The following MRM1 variants were observed in gnomAD, a reference collection of about 807,000 sequenced individuals.
The protein encoded by MRM1 is rRNA methyltransferase 1, mitochondrial.
Under a neutral mutation model 25.0 loss-of-function variants are expected in MRM1, and 24 were observed. The observed-to-expected ratio is 0.96, with a 90% CI of 0.69 to 1.35. The LOEUF is 1.35. Ranked by LOEUF, MRM1 falls within the 40% of genes most tolerant of loss-of-function variation. The pLI is 0.00. For synonymous variants in MRM1, 188 were observed against 199.2 expected (o/e 0.94, Z 0.47); for missense variants, 431 against 464.1 (o/e 0.93, Z 0.65).
rs539088218 is a variant in MRM1 at position 36,608,545 on chromosome 17, G to T, written c.*130G>T. ...ATGTTTATTGACCACAGTCTGGGGG[G>T]GGGGGAAGGGGACTGCGGTGGACAC... On this transcript the variant is annotated 3_prime_UTR_variant, in exon 5 of 5. Transcript: ENST00000614766. The T allele has an allele frequency of 6.4e-4, 333 of 518,408 alleles. 19 individuals are homozygous for T. In the South Asian group the frequency reaches 9.7e-3, roughly 15 times the overall value. The allele number at this position is 518,408 out of a possible 1,614,324, so 32.1% of individuals were successfully genotyped here.
At chr17:36,629,866 C>T in the MRM1 span, among the ~76,000 whole-genome samples, 1 of 152,190 alleles carries the variant, frequency 6.6e-6, no homozygotes, top group Non-Finnish European at 1.5e-5. Context: ...GTGGTTTGGC[C>T]ATCTGCCTTG....
intron 2 of MRM1, among the ~76,000 whole-genome samples, chr17:36,607,148 A>G (rs1374777458): frequency 1.3e-5 from 2 of 151,836 alleles, no homozygotes; most frequent in East Asian, 3.9e-4. Flanking sequence ...TCCCAACCTC[A>G]GGTGATCCCC....
Position 36,607,965 on chromosome 17 carries a change from C to G in MRM1, c.836C>G (p.Pro279Arg), listed in dbSNP as rs1182079607. 1 of 1,614,046 alleles carries G rather than the reference C, an allele frequency of 6.2e-7. No individual in the cohort carries two copies. Among genetic ancestry groups the G allele is most frequent in the East Asian group, 2.2e-5 (1 of 44,870 alleles). ...ASCQLLLTIL[P>R]RRQLPPGLES... ...TGCCAGCTTCTCCTCACCATCCTGCCCCGGCGCCAGCTGCCTCCTGGACTT... is the reference window on the plus strand; with the variant it reads ...TGCCAGCTTCTCCTCACCATCCTGCGCCGGCGCCAGCTGCCTCCTGGACTT... The change falls in exon 4 of 5, where the codon CCC becomes CGC. Residue 279 changes from proline (P) to arginine (R), a missense_variant. Physicochemically the swap from Pro to Arg is moderately radical, Grantham distance 103. Coordinates refer to ENST00000614766, the MANE Select transcript of MRM1 (RefSeq NM_024864.5).
the MRM1 span, among the ~76,000 whole-genome samples, chr17:36,623,016 G>A: frequency 6.6e-6 from 1 of 152,196 alleles, no homozygotes; most frequent in African/African-American, 2.4e-5. Context: ...CCCCAGGGTG[G>A]GCATCTTGAT....
At chr17:36,627,299 C>A in the MRM1 span, among the ~76,000 whole-genome samples, 1 of 152,236 alleles carries the variant, frequency 6.6e-6, no homozygotes, top group South Asian at 2.1e-4. Flanking sequence ...CGGGCTCCGT[C>A]ACCATGGCAA....
At chr17:36,632,110 C>T in the MRM1 span, among the ~76,000 whole-genome samples, 1 of 152,072 alleles carries the variant, frequency 6.6e-6, no homozygotes, top group East Asian at 1.9e-4. Flanking sequence ...CCGCCTTGGC[C>T]TCTCAAAGTG....
At chr17:36,627,673 T>A in the MRM1 span, among the ~76,000 whole-genome samples, 1 of 126,672 alleles carries the variant, frequency 7.9e-6, no homozygotes, top group Non-Finnish European at 1.6e-5. Flanking sequence ...CTTTGGACAC[T>A]GTTTTTTTTT....
At chr17:36,614,175 G>C in the MRM1 span, among the ~76,000 whole-genome samples, 12 of 152,208 alleles carry the variant, frequency 7.9e-5, no homozygotes, top group African/African-American at 2.4e-4. Flanking sequence ...CTGCTCTCTG[G>C]GGGGAAGGGC....
downstream of MRM1, among the ~76,000 whole-genome samples, chr17:36,611,961 T>G (rs56306535): frequency 0.41 from 62,099 of 151,876 alleles, 14,027 homozygotes; most frequent in African/African-American, 0.6. Flanking sequence ...CGCACAGTTG[T>G]TTCTGTTTCT....
At chr17:36,612,708 G>T (rs1231621637), downstream of MRM1, among the ~76,000 whole-genome samples, 1 of 152,236 alleles carries the variant, frequency 6.6e-6, no homozygotes, top group Non-Finnish European at 1.5e-5. Flanking sequence ...ATGTGGACAT[G>T]TCCCTTAAAT....
chr17:36,603,137 T>G (rs2074895707), intron 2 of MRM1: 1 of 985,228 alleles, frequency 1.0e-6, no homozygotes, highest in Non-Finnish European at 1.2e-6. Flanking sequence ...GAGGCAGTAT[T>G]GCTCTGCATA....
chr17:36,606,964 G>T (rs2074935498), intron 2 of MRM1, among the ~76,000 whole-genome samples: 1 of 149,162 alleles, frequency 6.7e-6, no homozygotes, highest in East Asian at 2.0e-4. Context: ...GCCCAGGCTG[G>T]AGTACAATGG....
At chr17:36,604,009 C>T (rs1057343698) in intron 2 of MRM1, among the ~76,000 whole-genome samples, 2 of 152,224 alleles carry the variant, frequency 1.3e-5, no homozygotes, top group African/African-American at 4.8e-5. Context: ...TCCCTACTGT[C>T]ATCAGCATCT....
chr17:36,603,285 G>A (rs2074898429), intron 2 of MRM1: 4 of 934,644 alleles, frequency 4.3e-6, no homozygotes, highest in Non-Finnish European at 5.1e-6. Flanking sequence ...GAGAAACATA[G>A]GTAGTTTTAG....
intron 2 of MRM1, among the ~76,000 whole-genome samples, chr17:36,605,982 C>T (rs1036413208): frequency 1.3e-4 from 20 of 152,130 alleles, no homozygotes; most frequent in South Asian, 2.1e-4. Context: ...GCCTCTGTAC[C>T]GCTCAGATTC....
At chr17:36,612,524 G>A (rs1048853369), downstream of MRM1, among the ~76,000 whole-genome samples, 2 of 152,138 alleles carry the variant, frequency 1.3e-5, no homozygotes, top group South Asian at 2.1e-4. Flanking sequence ...TTAAGTACAC[G>A]GGAGCTGGGG....
At chr17:36,603,901 G>T (rs148413586) in intron 2 of MRM1, among the ~76,000 whole-genome samples, 86 of 152,248 alleles carry the variant, frequency 5.6e-4, no homozygotes, top group African/African-American at 2.0e-3. Context: ...CCTGATAGGA[G>T]ATGAGGTTCC....
At chr17:36,608,220 C>T in intron 4 of MRM1, 23 bp from the exon 5 acceptor site, 1 of 1,546,728 alleles carries the variant, frequency 6.5e-7, no homozygotes, top group Non-Finnish European at 8.7e-7. Context: ...GTCCTCTCTT[C>T]CCTTGTCCTT....
the MRM1 span, among the ~76,000 whole-genome samples, chr17:36,622,621 C>A: frequency 6.6e-6 from 1 of 151,792 alleles, no homozygotes; most frequent in African/African-American, 2.4e-5. Context: ...TCATTTCAAA[C>A]CTGATGTCGG....
Sources: gnomAD v4.1 joint callset for allele counts (sites outside exome capture counted in the v4.1 genomes callset) on GRCh38, gnomAD v4.1.1 for gene constraint, MANE v1.5 for transcripts, NCBI Gene and HGNC (gene_info 2026-07-23, HGNC 2026-07-21) for gene names.